NAV3: variants seen among roughly 807,000 people sequenced by gnomAD.
The protein encoded by NAV3 is pore membrane and/or filament interacting like protein 1.
NAV3 carries 87 observed loss-of-function variants against 244.7 expected under a neutral mutation model. The observed-to-expected ratio is 0.36, with a 90% CI of 0.30 to 0.42. The LOEUF (loss-of-function observed/expected upper bound fraction) is 0.42. NAV3 is among the 20% of genes least tolerant of loss of function. The probability of loss-of-function intolerance (pLI) is 1.00; values close to 1 mark genes in which losing one functional copy is unlikely to be tolerated. For synonymous variants in NAV3, 1,126 were observed against 1,042.2 expected (o/e 1.08, Z -1.55); for missense variants, 2,663 against 2,893.3 (o/e 0.92, Z 1.83).
intron 2 of NAV3, among the ~76,000 whole-genome samples, chr12:77,690,268 A>G (rs1250718501): frequency 6.6e-6 from 1 of 151,856 alleles, no homozygotes; most frequent in Non-Finnish European, 1.5e-5. Context: ...TCTCAGCATG[A>G]TACACCAGGG....
chr12:77,753,860 A>G (rs1868988671), intron 2 of NAV3, among the ~76,000 whole-genome samples: 1 of 152,214 alleles, frequency 6.6e-6, no homozygotes, highest in African/African-American at 2.4e-5. Flanking sequence ...AATACGTTCA[A>G]AAATATTGAA....
intron 1 of NAV3, among the ~76,000 whole-genome samples, chr12:77,858,324 A>G (rs1265544616): frequency 6.6e-6 from 1 of 152,068 alleles, no homozygotes; most frequent in Non-Finnish European, 1.5e-5. Flanking sequence ...ATTGGGTTCC[A>G]TGTGGATAAG....
rs185401949 is a variant in NAV3, at chr12:78,172,141, C to T, written c.4982-3165C>T. ...AAGTTGAAGGTAATAGAAAATTTTA[C>T]CTTTATTTTTCAAAATGTACCATTG... On this transcript the variant is annotated intron_variant, in intron 24 of 39. Coordinates refer to ENST00000397909, the MANE Select transcript of NAV3 (RefSeq NM_001024383.2). Among the ~76,000 whole-genome samples, 392 of 151,600 alleles carry T rather than the reference C, an allele frequency of 2.6e-3. 1 individual carries two copies. Among genetic ancestry groups the T allele is most frequent in the Admixed American group, 4.6e-3 (70 of 15,142 alleles).
chr12:78,151,004 G>T (rs1957062202), intron 22 of NAV3, among the ~76,000 whole-genome samples: 1 of 151,754 alleles, frequency 6.6e-6, no homozygotes, highest in African/African-American at 2.4e-5. Context: ...ATATCACGAA[G>T]AAGAGCACAA....
chr12:77,766,735 GTTTTTTTTTTTTTTTTTTT>G (rs748531378), intron 2 of NAV3, among the ~76,000 whole-genome samples: 26 of 60,514 alleles, frequency 4.3e-4, no homozygotes, highest in African/African-American at 1.4e-3. Context: ...AGGCAATTAA[GTTTTTTTTTTTTTTTTTTT>G]TTTTTTTTTT....
intron 5 of NAV3, among the ~76,000 whole-genome samples, chr12:77,982,661 C>T (rs1947408797): frequency 2.0e-5 from 3 of 152,116 alleles, no homozygotes; most frequent in Non-Finnish European, 2.9e-5. Flanking sequence ...AACCATTTTA[C>T]GATGCTCATG....
intron 2 of NAV3, among the ~76,000 whole-genome samples, chr12:77,825,141 G>A (rs182673200): frequency 6.6e-6 from 1 of 152,066 alleles, no homozygotes; most frequent in Non-Finnish European, 1.5e-5. Context: ...AAAAACGGAG[G>A]CAAAGCAAAC....
At chr12:77,829,574 T>C (rs1400720149), upstream of NAV3, among the ~76,000 whole-genome samples, 1 of 152,228 alleles carries the variant, frequency 6.6e-6, no homozygotes, top group Non-Finnish European at 1.5e-5. Flanking sequence ...TTATAATGTG[T>C]TGAATGGTTT....
At chr12:78,102,531 A>C (rs1954586977) in intron 12 of NAV3, among the ~76,000 whole-genome samples, 1 of 152,172 alleles carries the variant, frequency 6.6e-6, no homozygotes, top group African/African-American at 2.4e-5. Context: ...TTGGAGGATG[A>C]TGGCCCTCTT....
chr12:77,878,636 A>G (rs1592870853), intron 1 of NAV3, among the ~76,000 whole-genome samples: 1 of 151,726 alleles, frequency 6.6e-6, no homozygotes, highest in East Asian at 1.9e-4. Context: ...AAACTGTATT[A>G]TCTTCTCAAT....
Position 78,118,284 on chromosome 12 carries a change from A to C in NAV3, c.3027A>C (p.Ala1009=), listed in dbSNP as rs761360174. The C allele has an allele frequency of 1.9e-6, 3 of 1,604,808 alleles. No homozygotes were observed. Among genetic ancestry groups the C allele is most frequent in the Admixed American group, 3.4e-5 (2 of 59,264 alleles). Residue 1009 remains alanine, a synonymous_variant, in exon 14 of 40, where the codon GCA becomes GCC. Coordinates refer to ENST00000397909, the MANE Select transcript of NAV3 (RefSeq NM_001024383.2). ...APSRQKAGTS[A]LKTPGKTDDA... The stretch of plus-strand genomic sequence containing the variant: ...CTAGGCAGAAAGCTGGAACAAGTGC[A>C]CTCAAAACACCCGGTAGGCTTGTCG...
At chr12:77,779,703 A>G (rs1278139377) in intron 2 of NAV3, among the ~76,000 whole-genome samples, 1 of 152,178 alleles carries the variant, frequency 6.6e-6, no homozygotes, top group Admixed American at 6.6e-5. Context: ...CTTGGTTGTA[A>G]TTCTAGATTT....
At chr12:78,190,901 A>C (rs1159518197) in intron 34 of NAV3, among the ~76,000 whole-genome samples, 1 of 152,172 alleles carries the variant, frequency 6.6e-6, no homozygotes, top group African/African-American at 2.4e-5. Flanking sequence ...AAAAGGAAAT[A>C]GTTGATGGCT....
At chr12:77,855,442 A>T (rs1878249419) in intron 1 of NAV3, among the ~76,000 whole-genome samples, 1 of 152,200 alleles carries the variant, frequency 6.6e-6, no homozygotes, top group Non-Finnish European at 1.5e-5. Context: ...ATATCCCTAA[A>T]GGGTATCACA....
At chr12:78,087,491 G>C (rs1566112600) in intron 12 of NAV3, among the ~76,000 whole-genome samples, 1 of 151,928 alleles carries the variant, frequency 6.6e-6, no homozygotes, top group Non-Finnish European at 1.5e-5. Context: ...TCTACAGCAA[G>C]AAATGAGTAT....
intron 2 of NAV3, among the ~76,000 whole-genome samples, chr12:77,757,717 G>A (rs1869255250): frequency 6.6e-6 from 1 of 152,148 alleles, no homozygotes; most frequent in Non-Finnish European, 1.5e-5. Context: ...CTAACTCTGT[G>A]ATTTATTAGC....
At chr12:77,976,149 G>T (rs974238635) in intron 5 of NAV3, among the ~76,000 whole-genome samples, 1 of 152,034 alleles carries the variant, frequency 6.6e-6, no homozygotes, top group East Asian at 1.9e-4. Context: ...ATGAGGAAAG[G>T]TTTGGTAGGG....
chr12:77,855,151 GCTGA>G (rs1263251523), intron 1 of NAV3, among the ~76,000 whole-genome samples: 2 of 151,978 alleles, frequency 1.3e-5, no homozygotes, highest in Admixed American at 6.6e-5. Context: ...AAAAATATAT[GCTGA>G]CTAACATCCT....
At chr12:77,600,641 G>A (rs1310613201) in intron 2 of NAV3, among the ~76,000 whole-genome samples, 1 of 152,016 alleles carries the variant, frequency 6.6e-6, no homozygotes, top group Admixed American at 6.6e-5. Context: ...CAGGGAATGA[G>A]TGTGTCTCGC....
Sources: allele counts gnomAD v4.1 joint callset (sites outside exome capture counted in the v4.1 genomes callset), GRCh38; gene constraint gnomAD v4.1.1; transcripts MANE v1.5; gene names NCBI Gene and HGNC (gene_info 2026-07-23, HGNC 2026-07-21).